Variants in PIK3C2B observed in about 807,000 individuals in gnomAD.
PIK3C2B encodes the protein phosphatidylinositol 4-phosphate 3-kinase C2 domain-containing subunit beta.
In PIK3C2B, 83 loss-of-function variants were observed where a neutral mutation model predicts 184.3. That is an observed-to-expected ratio of 0.45 (90% CI 0.38 to 0.54). PIK3C2B has a LOEUF of 0.54. PIK3C2B is among the 20% of genes least tolerant of loss of function. The probability of loss-of-function intolerance (pLI) is 0.00; values close to 1 mark genes in which losing one functional copy is unlikely to be tolerated. For synonymous variants in PIK3C2B, 779 were observed against 837.6 expected, an observed-to-expected ratio of 0.93 and a Z score of 1.21; for missense variants, 1,736 against 2,113.5, an observed-to-expected ratio of 0.82 and a Z score of 3.50.
chr1:204,472,367 G>A (rs1327649813), intron 1 of PIK3C2B, among the ~76,000 whole-genome samples: 1 of 151,858 alleles, frequency 6.6e-6, no homozygotes, highest in Non-Finnish European at 1.5e-5. Context: ...GTTTCACCGT[G>A]TTAGCCAGGA....
chr1:204,471,888 T>A (rs1656306941), intron 1 of PIK3C2B, among the ~76,000 whole-genome samples: 1 of 152,194 alleles, frequency 6.6e-6, no homozygotes, highest in African/African-American at 2.4e-5. Context: ...AATACACCAA[T>A]ATATAAAATA....
intron 1 of PIK3C2B, among the ~76,000 whole-genome samples, chr1:204,485,176 G>A (rs565351188): frequency 2.0e-5 from 3 of 151,958 alleles, no homozygotes; most frequent in African/African-American, 7.2e-5. Flanking sequence ...GGTTTCACAA[G>A]TGGCTGGAAT....
At position 204,433,289 on chromosome 1, in the gene PIK3C2B, G is replaced by T; in HGVS notation, c.3953+27C>A. On this transcript the variant is annotated intron_variant, in intron 26 of 32. Coordinates refer to ENST00000684373, the MANE Select transcript of PIK3C2B (RefSeq NM_001377334.1). This position sits in a 1 kb window ranked among gnomAD's most constrained non-coding sequence, Gnocchi z 5.0. Reference sequence around the variant, plus strand: ...CTGGGAATTACTCAGGGTGGGCAGTGCTGATTCGCTCAGGGAATCATTTTA... The same window carrying T: ...CTGGGAATTACTCAGGGTGGGCAGTTCTGATTCGCTCAGGGAATCATTTTA... 8.3e-7 allele frequency: 1 copy of T among 1,208,456 alleles called. No homozygotes were observed. The highest frequency in any genetic ancestry group is 1.2e-6 in the Non-Finnish European group (1 of 811,932). 74.9% of individuals were successfully genotyped at this position (1,208,456 alleles called of 1,614,324 possible).
chr1:204,426,640 C>T (rs529622085), intron 31 of PIK3C2B, among the ~76,000 whole-genome samples: 1 of 152,202 alleles, frequency 6.6e-6, no homozygotes, highest in Admixed American at 6.5e-5. Flanking sequence ...CCGTTCCCAA[C>T]TAGAATGTAA....
chr1:204,431,748 A>C lies in PIK3C2B; in HGVS notation c.4201T>G (p.Tyr1401Asp), dbSNP rs1465292866. ...VMRENTHEAT[Y>D]IQRTFEEFQE... ...AACTCCTCAAAGGTCCGCTGGATGT[A>C]GGTGGCCTCGTGAGTGTTCTCTCGC... Residue 1401 changes from tyrosine to aspartate, a missense_variant, in exon 28 of 33, where the codon TAC becomes GAC. Tyr to Asp is a radical substitution (Grantham distance 160). Transcript: ENST00000684373. 1 of 1,614,208 alleles carries C rather than the reference A, an allele frequency of 6.2e-7. No individual in the cohort carries two copies. The highest frequency in any genetic ancestry group is 1.1e-5 in the South Asian group (1 of 91,086).
chr1:204,446,098 A>G lies in PIK3C2B; in HGVS notation c.2536T>C (p.Cys846Arg). ...GGGAGCGAGCTCACCTCCGAGTGGC[A>G]GTAATATCGCTTCTCCCACAGGCGC... is the stretch of plus-strand genomic sequence containing the variant. ...KKRLWEKRYY[C>R]HSEVSSLPLV... Residue 846 changes from cysteine to arginine, a missense_variant, in exon 16 of 33, where the codon TGC becomes CGC. Cys to Arg is a radical substitution (Grantham distance 180). This residue lies in a region of PIK3C2B where 609 missense variants were observed against 699.2 expected (regional missense o/e 0.87). Transcript: ENST00000684373. The G allele has an allele frequency of 6.3e-7, 1 of 1,591,188 alleles. No homozygotes were observed. Among genetic ancestry groups the G allele is most frequent in the Non-Finnish European group, 8.6e-7 (1 of 1,166,056 alleles).
chr1:204,460,921 C>A (rs1045324017), intron 5 of PIK3C2B, among the ~76,000 whole-genome samples: 1 of 152,142 alleles, frequency 6.6e-6, no homozygotes, highest in African/African-American at 2.4e-5. Flanking sequence ...ATTTATTACC[C>A]GTGTGGTAAT....
intron 12 of PIK3C2B, among the ~76,000 whole-genome samples, chr1:204,451,283 GC>G (rs1366732284): frequency 6.6e-6 from 1 of 152,238 alleles, no homozygotes; most frequent in Non-Finnish European, 1.5e-5. Context: ...CTGGTCCTGA[GC>G]CCTTTCTTTT....
intron 12 of PIK3C2B, 73 bp downstream of exon 12, chr1:204,454,596 G>A (rs1654665809): frequency 4.6e-6 from 7 of 1,526,164 alleles, no homozygotes; most frequent in Non-Finnish European, 5.4e-6. Context: ...CTAGTTATCT[G>A]GCCCCAGGGA....
chr1:204,442,196 T>A (rs1054021830), intron 20 of PIK3C2B, among the ~76,000 whole-genome samples: 2 of 152,152 alleles, frequency 1.3e-5, no homozygotes, highest in African/African-American at 4.8e-5. Flanking sequence ...ATTTTATGGC[T>A]TATATGGAGA....
At chr1:204,486,534 T>A (rs371677479) in intron 1 of PIK3C2B, among the ~76,000 whole-genome samples, 1 of 151,576 alleles carries the variant, frequency 6.6e-6, no homozygotes, top group East Asian at 1.9e-4. Context: ...AGTTCAAGAC[T>A]GGCCTGGCCA....
intron 8 of PIK3C2B, 84 bp from the exon 9 acceptor site, chr1:204,457,958 G>T (rs993754518): frequency 3.9e-6 from 5 of 1,267,756 alleles, no homozygotes; most frequent in Non-Finnish European, 5.5e-6. Context: ...GTCTTTAAAG[G>T]AAAGGGTTGG....
chr1:204,431,772 G>A lies in PIK3C2B; in HGVS notation c.4177C>T (p.Arg1393Ter). The A allele has an allele frequency of 1.9e-6, 3 of 1,614,120 alleles. No homozygotes were observed. The highest frequency in any genetic ancestry group is 2.5e-6 in the Non-Finnish European group (3 of 1,179,992). ...KGYIYVVKVM[R>*]ENTHEATYIQ... ...TAGGTGGCCTCGTGAGTGTTCTCTCGCATCACCTTTACCACATATATCTGC... is the reference window on the plus strand; with the variant it reads ...TAGGTGGCCTCGTGAGTGTTCTCTCACATCACCTTTACCACATATATCTGC... The change falls in exon 28 of 33, where the codon CGA becomes TGA. Residue 1393 changes from arginine to a stop codon, truncating the protein, a stop_gained. Transcript: ENST00000684373. LOFTEE classifies it high-confidence loss of function.
chr1:204,447,982 G>A lies in PIK3C2B; in HGVS notation c.2347-404C>T, dbSNP rs543036720. On this transcript the variant is annotated intron_variant, in intron 14 of 32. Coordinates refer to ENST00000684373, the MANE Select transcript of PIK3C2B (RefSeq NM_001377334.1). The surrounding 1 kb of genome is among the most constrained non-coding windows in gnomAD (Gnocchi z 4.1). ...GAGGGGAGGCAAGACCACACACTGG[G>A]AGAAGGCCCTGGGACACTCGGTCCC... Among the ~76,000 whole-genome samples, 2 of 152,276 alleles carry A rather than the reference G, an allele frequency of 1.3e-5. No individual in the cohort carries two copies. Among genetic ancestry groups the A allele is most frequent in the Non-Finnish European group, 2.9e-5 (2 of 68,022 alleles).
At chr1:204,473,596 CTG>C (rs1457230686) in intron 1 of PIK3C2B, among the ~76,000 whole-genome samples, 1 of 152,212 alleles carries the variant, frequency 6.6e-6, no homozygotes, top group Non-Finnish European at 1.5e-5. Flanking sequence ...CAGAGAATGA[CTG>C]TGTATTTTCA....
At chr1:204,441,944 C>A (rs1283858120) in intron 20 of PIK3C2B, among the ~76,000 whole-genome samples, 2 of 152,096 alleles carry the variant, frequency 1.3e-5, no homozygotes, top group Non-Finnish European at 2.9e-5. Context: ...ATGCCATAAC[C>A]AACATTAAGC....
intron 21 of PIK3C2B, among the ~76,000 whole-genome samples, chr1:204,440,527 G>T (rs1272452810): frequency 6.6e-6 from 1 of 151,052 alleles, no homozygotes; most frequent in South Asian, 2.1e-4. Context: ...AGCTTGTCCT[G>T]CAATCCCATG....
chr1:204,436,510 G>A (rs557168019), intron 23 of PIK3C2B, among the ~76,000 whole-genome samples: 4 of 152,068 alleles, frequency 2.6e-5, no homozygotes, highest in Non-Finnish European at 4.4e-5. Context: ...GTGACAGAGT[G>A]AGACCCTGCC....
chr1:204,444,481 G>A, intron 16 of PIK3C2B, 57 bp from the exon 17 acceptor site: 2 of 1,294,954 alleles, frequency 1.5e-6, no homozygotes, highest in Non-Finnish European at 2.2e-6. Context: ...GCACAGCTGT[G>A]AGCCCAGCAC....
Sources: allele counts gnomAD v4.1 joint callset (sites outside exome capture counted in the v4.1 genomes callset), GRCh38; gene constraint gnomAD v4.1.1; regional missense constraint gnomAD v4.1.1; non-coding constraint Gnocchi (gnomAD v3.1); transcripts MANE v1.5; gene names NCBI Gene and HGNC (gene_info 2026-07-23, HGNC 2026-07-21).